The following EOGT variants were observed in gnomAD, a reference collection of about 807,000 sequenced individuals.
The protein encoded by EOGT is EGF domain specific O-linked N-acetylglucosamine transferase.
In EOGT, 55 loss-of-function variants were observed where a neutral mutation model predicts 70.5. The ratio of observed to expected loss-of-function variants is 0.78; its 90% CI spans 0.63 to 0.98. EOGT has a LOEUF of 0.98. Ranked by LOEUF, EOGT falls within the 50% of genes least tolerant of loss-of-function variation. The pLI, the probability that EOGT is intolerant of heterozygous loss-of-function variation, is 0.00. For synonymous variants in EOGT, 246 were observed against 217.1 expected (o/e 1.13, Z -1.17); for missense variants, 703 against 641.9 (o/e 1.10, Z -1.03).
Position 68,977,383 on chromosome 3 carries a change from T to C in EOGT, c.*235A>G, listed in dbSNP as rs147328450. ...ATACTGGGGAGTCCATGCTTAATTT[T>C]TGAACTATAAAAAGTTTTCAGTGCA... On this transcript the variant is annotated 3_prime_UTR_variant, in exon 18 of 18. Coordinates refer to ENST00000383701, the MANE Select transcript of EOGT (RefSeq NM_001278689.2). 1,843 of 441,642 alleles carry C rather than the reference T, an allele frequency of 4.2e-3. 8 individuals are homozygous for C. Among genetic ancestry groups the C allele is most frequent in the Non-Finnish European group, 5.8e-3 (1,478 of 252,736 alleles). The allele number at this position is 441,642 out of a possible 1,614,324, so 27.4% of individuals were successfully genotyped here. A position where few individuals can be genotyped will look rare whatever the true frequency, so the allele number is the denominator to read the frequency against.
rs754080128 is a variant in EOGT at position 69,001,640 on chromosome 3, T to C, written c.695A>G (p.Glu232Gly). 2 of 1,610,932 alleles carry C rather than the reference T, an allele frequency of 1.2e-6. No homozygotes were observed. The highest frequency in any genetic ancestry group is 2.7e-5 in the African/African-American group (2 of 74,852). Reference protein sequence around the residue: ...IEDAKCDIVIEKPTYFMKLDA... With the variant: ...IEDAKCDIVIGKPTYFMKLDA... ...TAATTTCATGAAATATGTTGGTTTT[T>C]CAATGACAATGTCACATTTAGCATC... The change falls in exon 9 of 18, where the codon GAA becomes GGA. Residue 232 changes from glutamate (E) to glycine (G), a missense_variant. Transcript: ENST00000383701.
Position 69,001,367 on chromosome 3 carries a change from G to C in EOGT, c.727+241C>G, listed in dbSNP as rs9814156. ...AGGCATAAATATGCCTTCACCTCTC[G>C]TCCTTTGATTTTGGTTAAGTCCTTT... is the stretch of plus-strand genomic sequence containing the variant. On this transcript the variant is annotated intron_variant, in intron 9 of 17. Transcript: ENST00000383701. Among the ~76,000 whole-genome samples, 2,012 of 152,224 alleles carry C rather than the reference G, an allele frequency of 0.013. 42 individuals carry two copies. The highest frequency in any genetic ancestry group is 0.046 in the African/African-American group (1,907 of 41,516).
intron 4 of EOGT, among the ~76,000 whole-genome samples, chr3:69,008,801 A>G (rs1359406718): frequency 6.6e-6 from 1 of 152,210 alleles, no homozygotes; most frequent in Non-Finnish European, 1.5e-5. Context: ...TTGAATTTGA[A>G]TTTCTTGAAG....
chr3:69,004,585 T>C, intron 7 of EOGT, 103 bp from the exon 8 acceptor site: 1 of 708,536 alleles, frequency 1.4e-6, no homozygotes, highest in Non-Finnish European at 2.4e-6. Flanking sequence ...ACTGAATTTT[T>C]TAAAAGAATT....
chr3:69,007,609 G>A (rs1025667318), intron 6 of EOGT, 104 bp downstream of exon 6: 9 of 579,696 alleles, frequency 1.6e-5, no homozygotes, highest in Middle Eastern at 4.9e-4. Flanking sequence ...CTGGGATCGC[G>A]CCACTGCACT....
rs2091588201 is a variant in EOGT at position 69,011,930 on chromosome 3, A to G, written c.-15+6T>C. 6.6e-6 allele frequency: 1 copy of G among 152,206 alleles called. No homozygotes were observed. The highest frequency in any genetic ancestry group is 2.1e-4 in the South Asian group (1 of 4,830). The allele number at this position is 152,206 out of a possible 1,614,324, so 9.4% of individuals were successfully genotyped here. On this transcript the variant is annotated splice_donor_region_variant and intron_variant, in intron 3 of 17. Transcript: ENST00000383701. Reference sequence around the variant, plus strand: ...CAATGACTCTACTTGTAATAAAAATATATACCTCTTGAATCTTCAGAACCA... The same window carrying G: ...CAATGACTCTACTTGTAATAAAAATGTATACCTCTTGAATCTTCAGAACCA...
In EOGT at chr3:68,988,794, T is replaced by C. The variant is rs956841570; in HGVS notation, c.924+131A>G. ...GATTAACAACACTGAGGATTCTAATTATAAAAGAAATTCAGAAATTCAGAA... is the reference window on the plus strand; with the variant it reads ...GATTAACAACACTGAGGATTCTAATCATAAAAGAAATTCAGAAATTCAGAA... On this transcript the variant is annotated intron_variant, in intron 11 of 17. Transcript: ENST00000383701. The C allele has an allele frequency of 6.2e-6, 4 of 650,236 alleles. No homozygotes were observed. In the African/African-American group the frequency reaches 7.4e-5, roughly 12 times the overall value. The allele number at this position is 650,236 out of a possible 1,614,324, so 40.3% of individuals were successfully genotyped here. A position where few individuals can be genotyped will look rare whatever the true frequency, so the allele number is the denominator to read the frequency against.
chr3:68,998,294 T>C (rs2091207290), intron 9 of EOGT, among the ~76,000 whole-genome samples, 180 bp from the exon 10 acceptor site: 1 of 152,222 alleles, frequency 6.6e-6, no homozygotes, highest in Non-Finnish European at 1.5e-5. Context: ...GTCCTCAATT[T>C]ATGGACTGCC....
At position 68,978,341 on chromosome 3, in the gene EOGT, G is replaced by T. The variant is rs2090530608; in HGVS notation, c.1429C>A (p.Gln477Lys). Reference sequence around the variant, plus strand: ...TTGTGATTGAACTTTACCTTATCCTGAGGAAAGACTTTGTTCTGCCGTCGC... The same window carrying T: ...TTGTGATTGAACTTTACCTTATCCTTAGGAAAGACTTTGTTCTGCCGTCGC... The part of the protein sequence containing the change: ...TWRRQNKVFP[Q>K]DKGHHPTLGE... Residue 477 changes from glutamine (Q) to lysine (K), a missense_variant, in exon 17 of 18, where the codon CAG becomes AAG. By Grantham distance (53) the Gln-to-Lys change is moderately conservative. Coordinates refer to ENST00000383701, the MANE Select transcript of EOGT (RefSeq NM_001278689.2). 1 of 1,611,584 alleles carries T rather than the reference G, an allele frequency of 6.2e-7. No individual in the cohort carries two copies. The highest frequency in any genetic ancestry group is 1.3e-5 in the African/African-American group (1 of 74,774).
intron 9 of EOGT, 50 bp downstream of exon 9, chr3:69,001,558 A>G: frequency 8.1e-7 from 1 of 1,229,884 alleles, no homozygotes; most frequent in Non-Finnish European, 1.2e-6. Context: ...AAAAAAAGGA[A>G]TAATATCTCA....
intron 6 of EOGT, among the ~76,000 whole-genome samples, 197 bp downstream of exon 6, chr3:69,007,516 G>A (rs2091468216): frequency 9.8e-6 from 1 of 102,500 alleles, no homozygotes; most frequent in African/African-American, 3.5e-5. Context: ...GCGGGGGGGG[G>A]TGGCACGCGC....
At position 68,976,637 on chromosome 3, in the gene EOGT, T is replaced by A. The variant is rs2090478175; in HGVS notation, c.*981A>T. On this transcript the variant is annotated 3_prime_UTR_variant, in exon 18 of 18. Transcript: ENST00000383701. ...ATAGCTTGGTACTGAGAATCACAACTCTGCGTGTGTGTGTGTGTGTGTGTG... is the reference window on the plus strand; with the variant it reads ...ATAGCTTGGTACTGAGAATCACAACACTGCGTGTGTGTGTGTGTGTGTGTG... 7.0e-6 allele frequency: 1 copy of A among 143,030 alleles called. No individual in the cohort carries two copies. The highest frequency in any genetic ancestry group is 1.5e-5 in the Non-Finnish European group (1 of 66,300). The allele number at this position is 143,030 out of a possible 1,614,324, so 8.9% of individuals were successfully genotyped here.
Position 68,978,324 on chromosome 3 carries a change from G to A in EOGT, c.1437+9C>T, listed in dbSNP as rs1307116728. 29 of 1,597,264 alleles carry A rather than the reference G, an allele frequency of 1.8e-5. No individual in the cohort carries two copies. The highest frequency in any genetic ancestry group is 5.2e-5 in the Admixed American group (3 of 58,132). On this transcript the variant is annotated intron_variant, in intron 17 of 17. Transcript: ENST00000383701. ...ATGAAGCAAGGTAAGTTTTGTGATT[G>A]AACTTTACCTTATCCTGAGGAAAGA... is the stretch of plus-strand genomic sequence containing the variant.
chr3:68,986,543 A>C (rs2118538), intron 14 of EOGT, among the ~76,000 whole-genome samples: 2 of 151,884 alleles, frequency 1.3e-5, no homozygotes, highest in African/African-American at 2.4e-5. Context: ...CTGTTTCTAG[A>C]ATACTGAAAG....
intron 9 of EOGT, among the ~76,000 whole-genome samples, chr3:68,999,986 C>T (rs563020518): frequency 2.0e-5 from 3 of 152,274 alleles, no homozygotes; most frequent in Admixed American, 2.0e-4. Flanking sequence ...CTTTTGGAGG[C>T]CAAGGCAGGG....
At chr3:69,008,313 A>T in intron 5 of EOGT, 115 bp downstream of exon 5, 1 of 733,916 alleles carries the variant, frequency 1.4e-6, no homozygotes. Flanking sequence ...AAGCAAATTA[A>T]TATCTAAATG....
chr3:68,978,503 G>A (rs1029256918), intron 16 of EOGT, 68 bp from the exon 17 acceptor site: 14 of 1,094,098 alleles, frequency 1.3e-5, no homozygotes, highest in Admixed American at 5.0e-5. Flanking sequence ...ACAACTCTGC[G>A]AAAATAAAAT....
Position 69,009,692 on chromosome 3 carries a change from T to C in EOGT, c.155A>G (p.His52Arg), listed in dbSNP as rs200019929. The C allele has an allele frequency of 1.7e-4, 272 of 1,614,060 alleles. No homozygotes were observed. Among genetic ancestry groups the C allele is most frequent in the Non-Finnish European group, 2.2e-4 (264 of 1,180,010 alleles). The change falls in exon 4 of 18, where the codon CAC (histidine) becomes CGC (arginine). Residue 52 changes from histidine to arginine, a missense_variant. Transcript: ENST00000383701. ...LPEEHIPFFLHNNRHIATVCR... is the reference protein window; with the variant it reads ...LPEEHIPFFLRNNRHIATVCR... ...GACAGTGGCAATATGCCTATTGTTG[T>C]GCAAAAAGAAGGGAATGTGCTCCTC...
At position 68,990,455 on chromosome 3, in the gene EOGT, C is replaced by G. The variant is rs374280167; in HGVS notation, c.832-1438G>C. On this transcript the variant is annotated intron_variant, in intron 10 of 17. Transcript: ENST00000383701. ...GCAACCTCCACCTCCCAAGTTCAAG[C>G]AATTCTCCTGCCCCAGCCTCCCGAG... Among the ~76,000 whole-genome samples the G allele has an allele frequency of 8.7e-5, 13 of 148,886 alleles. No individual in the cohort carries two copies. The South Asian group carries it at 2.5e-3, about 29-fold the overall frequency.
Sources: gnomAD v4.1 joint callset for allele counts (sites outside exome capture counted in the v4.1 genomes callset) on GRCh38, gnomAD v4.1.1 for gene constraint, MANE v1.5 for transcripts, NCBI Gene and HGNC (gene_info 2026-07-23, HGNC 2026-07-21) for gene names.